The following RPS6KC1 variants were observed in gnomAD, a reference collection of about 807,000 sequenced individuals.
RPS6KC1 encodes ribosomal protein S6 kinase C1.
RPS6KC1 carries 54 observed loss-of-function variants against 103.8 expected under a neutral mutation model. That is an observed-to-expected ratio of 0.52 (90% CI 0.42 to 0.65). The LOEUF (loss-of-function observed/expected upper bound fraction) is 0.65. Among genes scored for constraint, RPS6KC1 ranks in the 30% least tolerant of loss-of-function variants. RPS6KC1 has a pLI of 0.00. For synonymous variants in RPS6KC1, 439 were observed against 438.7 expected (o/e 1.00, Z -0.01); for missense variants, 1,151 against 1,253.8 (o/e 0.92, Z 1.24).
intron 6 of RPS6KC1, among the ~76,000 whole-genome samples, chr1:213,147,164 GTA>G (rs1446741127): frequency 6.6e-6 from 1 of 151,930 alleles, no homozygotes; most frequent in African/African-American, 2.4e-5. Context: ...TTTTTTGATT[GTA>G]TCATTTGCTG....
the RPS6KC1 span, among the ~76,000 whole-genome samples, chr1:213,625,762 T>C: frequency 6.6e-6 from 1 of 152,210 alleles, no homozygotes; most frequent in African/African-American, 2.4e-5. Context: ...TATGAACTCA[T>C]CATTTTTTAT....
chr1:213,231,576 T>G (rs2094105572), intron 9 of RPS6KC1, among the ~76,000 whole-genome samples: 1 of 152,026 alleles, frequency 6.6e-6, no homozygotes, highest in Non-Finnish European at 1.5e-5. Context: ...GAAACACATT[T>G]TGTGTGTGTG....
intron 8 of RPS6KC1, among the ~76,000 whole-genome samples, chr1:213,200,651 A>C (rs1451798277): frequency 2.0e-5 from 3 of 152,238 alleles, no homozygotes; most frequent in Admixed American, 6.5e-5. Context: ...TTTAAACTAA[A>C]GAGCAAACTT....
At chr1:213,489,698 C>T in the RPS6KC1 span, among the ~76,000 whole-genome samples, 1 of 152,156 alleles carries the variant, frequency 6.6e-6, no homozygotes, top group Non-Finnish European at 1.5e-5. Context: ...AACAACTTCA[C>T]AGACTAGGTG....
At chr1:213,431,113 C>A in the RPS6KC1 span, among the ~76,000 whole-genome samples, 2 of 152,170 alleles carry the variant, frequency 1.3e-5, no homozygotes, top group Non-Finnish European at 1.5e-5. Flanking sequence ...GCAATTATTT[C>A]TTTCTTCTGG....
chr1:213,178,074 G>T (rs556616071), intron 8 of RPS6KC1, among the ~76,000 whole-genome samples: 92 of 151,566 alleles, frequency 6.1e-4, no homozygotes, highest in African/African-American at 2.1e-3. Flanking sequence ...AGTCCCAGCT[G>T]CTCGGGAGGC....
intron 1 of RPS6KC1, 146 bp from the exon 2 acceptor site, chr1:213,070,860 T>C (rs570801708): frequency 2.6e-5 from 14 of 542,426 alleles, no homozygotes; most frequent in Middle Eastern, 1.0e-3. Flanking sequence ...AGTTATTATA[T>C]AGCTGAGTTT....
At chr1:213,598,772 G>T in the RPS6KC1 span, among the ~76,000 whole-genome samples, 1 of 151,970 alleles carries the variant, frequency 6.6e-6, no homozygotes, top group African/African-American at 2.4e-5. Flanking sequence ...ACAAAAATTA[G>T]CCAGGCATGA....
chr1:213,774,226 T>C, the RPS6KC1 span, among the ~76,000 whole-genome samples: 1 of 152,222 alleles, frequency 6.6e-6, no homozygotes, highest in African/African-American at 2.4e-5. Context: ...ACCTCTGTTG[T>C]GGTAAATTGG....
chr1:213,546,658 T>A, the RPS6KC1 span, among the ~76,000 whole-genome samples: 32 of 152,052 alleles, frequency 2.1e-4, no homozygotes, highest in African/African-American at 7.0e-4. Context: ...CTGCATTATT[T>A]TAAAAAAAAA....
chr1:213,450,748 G>C, the RPS6KC1 span, among the ~76,000 whole-genome samples: 2 of 152,220 alleles, frequency 1.3e-5, no homozygotes, highest in Admixed American at 1.3e-4. Flanking sequence ...GGCCGAGGCA[G>C]GTGGATCACC....
chr1:213,391,370 C>A, the RPS6KC1 span, among the ~76,000 whole-genome samples: 13 of 152,212 alleles, frequency 8.5e-5, no homozygotes, highest in Non-Finnish European at 1.5e-4. Flanking sequence ...AGCAAGAGAC[C>A]AGTACAACTT....
the RPS6KC1 span, among the ~76,000 whole-genome samples, chr1:213,809,069 A>G: frequency 5.3e-5 from 8 of 152,310 alleles, no homozygotes; most frequent in East Asian, 1.4e-3. Flanking sequence ...TCAGTTTTCA[A>G]TGTGCCTCCC....
chr1:213,334,027 A>G, the RPS6KC1 span, among the ~76,000 whole-genome samples: 1 of 152,308 alleles, frequency 6.6e-6, no homozygotes, highest in South Asian at 2.1e-4. Context: ...TCAGTGGAGA[A>G]CTTCAAGAAT....
chr1:213,703,645 G>A, the RPS6KC1 span, among the ~76,000 whole-genome samples: 18 of 152,172 alleles, frequency 1.2e-4, no homozygotes, highest in Middle Eastern at 0.017. Flanking sequence ...TCCTTCAGCC[G>A]TTTAAATATG....
At chr1:213,104,351 T>C in intron 3 of RPS6KC1, 103 bp from the exon 4 acceptor site, 1 of 665,926 alleles carries the variant, frequency 1.5e-6, no homozygotes, top group Admixed American at 2.6e-5. Context: ...GCAAAGCAAC[T>C]AAGTGATAGG....
At chr1:213,395,951 T>C in the RPS6KC1 span, among the ~76,000 whole-genome samples, 1 of 152,230 alleles carries the variant, frequency 6.6e-6, no homozygotes, top group African/African-American at 2.4e-5. Context: ...GAACGGAGTC[T>C]GGGCTGGCAT....
the RPS6KC1 span, among the ~76,000 whole-genome samples, chr1:213,384,408 G>T: frequency 1.3e-5 from 2 of 152,082 alleles, no homozygotes; most frequent in Non-Finnish European, 2.9e-5. Context: ...AGGAGGAAGA[G>T]GGGTGAGAGA....
the RPS6KC1 span, among the ~76,000 whole-genome samples, chr1:213,691,257 CAA>C: frequency 6.6e-6 from 1 of 152,214 alleles, no homozygotes. Context: ...CAGGACAGCA[CAA>C]AGAGATTCTC....
Sources: allele counts gnomAD v4.1 joint callset (sites outside exome capture counted in the v4.1 genomes callset), GRCh38; gene constraint gnomAD v4.1.1; transcripts MANE v1.5; gene names NCBI Gene and HGNC (gene_info 2026-07-23, HGNC 2026-07-21).